Variants in TLN2 observed in about 807,000 individuals in gnomAD.
The protein encoded by TLN2 is talin-2.
In TLN2, 118 loss-of-function variants were observed where a neutral mutation model predicts 294.7. The ratio of observed to expected loss-of-function variants is 0.40; its 90% CI spans 0.34 to 0.47. The LOEUF is 0.47. Among genes scored for constraint, TLN2 ranks in the 20% least tolerant of loss-of-function variants. The pLI, the probability that TLN2 is intolerant of heterozygous loss-of-function variation, is 0.84. For missense variants in TLN2, 3,083 were observed against 3,282.2 expected (o/e 0.94, Z 1.48); for synonymous variants, 1,431 against 1,304.5 (o/e 1.10, Z -2.09).
Position 62,838,935 on chromosome 15 carries a change from A to G in TLN2, c.7454A>G (p.Asp2485Gly). ...AQKAAFGKAD[D>G]DDVVVKTKFV... Reference sequence around the variant, plus strand: ...AAGGCAGCTTTTGGCAAAGCTGATGACGACGATGTTGTAGTGAAAACCAAG... The same window carrying G: ...AAGGCAGCTTTTGGCAAAGCTGATGGCGACGATGTTGTAGTGAAAACCAAG... Residue 2485 changes from aspartate to glycine, a missense_variant, in exon 58 of 59, where the codon GAC becomes GGC. Asp to Gly is a moderately conservative substitution (Grantham distance 94). Coordinates refer to ENST00000636159, the MANE Select transcript of TLN2 (RefSeq NM_015059.3). 1 of 1,614,040 alleles carries G rather than the reference A, an allele frequency of 6.2e-7. No individual in the cohort carries two copies. Among genetic ancestry groups the G allele is most frequent in the Non-Finnish European group, 8.5e-7 (1 of 1,180,002 alleles).
chr15:62,764,536 G>A (rs956322614), intron 40 of TLN2, among the ~76,000 whole-genome samples: 10 of 152,152 alleles, frequency 6.6e-5, no homozygotes, highest in African/African-American at 2.4e-4. Flanking sequence ...CAAACTGTGT[G>A]GGATGCCAGA....
At chr15:62,711,882 C>G (rs2059450710) in intron 21 of TLN2, 29 bp from the exon 22 acceptor site, 4 of 1,580,674 alleles carry the variant, frequency 2.5e-6, no homozygotes, top group Non-Finnish European at 3.5e-6. Flanking sequence ...AGCAGACAAA[C>G]AGACCTCATC....
chr15:62,523,057 A>C (rs753604053), intron 1 of TLN2, among the ~76,000 whole-genome samples: 7 of 152,114 alleles, frequency 4.6e-5, no homozygotes, highest in Admixed American at 2.0e-4. Context: ...ATAAGTCCTC[A>C]AAGGTTATCT....
At chr15:62,741,748 C>CGCGCGTGTGTGTGT in intron 32 of TLN2, among the ~76,000 whole-genome samples, 85 of 131,160 alleles carry the variant, frequency 6.5e-4, no homozygotes, top group Middle Eastern at 4.2e-3. Context: ...AAAATTTGCG[C>CGCGCGTGTGTGTGT]GTGTGTGTGT....
intron 2 of TLN2, among the ~76,000 whole-genome samples, chr15:62,595,342 C>T (rs930018954): frequency 2.0e-5 from 3 of 147,218 alleles, no homozygotes; most frequent in African/African-American, 7.6e-5. Context: ...ATCGCTTGAA[C>T]CTGGGAGGTA....
intron 12 of TLN2, among the ~76,000 whole-genome samples, chr15:62,687,526 C>G (rs2057384394): frequency 6.6e-6 from 1 of 152,234 alleles, no homozygotes; most frequent in Non-Finnish European, 1.5e-5. Flanking sequence ...GAGTATAACT[C>G]TATGCCTTAA....
At chr15:62,628,260 T>C (rs964795226) in intron 3 of TLN2, among the ~76,000 whole-genome samples, 1 of 152,234 alleles carries the variant, frequency 6.6e-6, no homozygotes, top group African/African-American at 2.4e-5. Context: ...GCTAAAATGG[T>C]TGTAGTTTTG....
intron 1 of TLN2, among the ~76,000 whole-genome samples, chr15:62,534,002 C>T (rs2140504290): frequency 6.6e-6 from 1 of 152,270 alleles, no homozygotes; most frequent in South Asian, 2.1e-4. Context: ...TACTCCGGTG[C>T]TTCCAAATGT....
At chr15:62,414,165 T>A (rs7170731) in intron 1 of TLN2, among the ~76,000 whole-genome samples, 2,307 of 15,730 alleles carry the variant, frequency 0.15, 270 homozygotes, top group African/African-American at 0.27. Context: ...AAAAAAAAAC[T>A]ATATATATAT....
intron 3 of TLN2, among the ~76,000 whole-genome samples, chr15:62,624,470 C>T (rs202080622): frequency 5.9e-5 from 9 of 152,248 alleles, no homozygotes; most frequent in Non-Finnish European, 1.0e-4. Context: ...GGTGATAGGA[C>T]GCATGAATGT....
At chr15:62,642,537 A>C (rs1276294388) in intron 3 of TLN2, among the ~76,000 whole-genome samples, 1 of 151,722 alleles carries the variant, frequency 6.6e-6, no homozygotes, top group Non-Finnish European at 1.5e-5. Context: ...ATCTTTATCG[A>C]GGTGTGTTGT....
At chr15:62,565,258 T>G (rs2043300410) in intron 1 of TLN2, among the ~76,000 whole-genome samples, 1 of 152,216 alleles carries the variant, frequency 6.6e-6, no homozygotes, top group Admixed American at 6.5e-5. Context: ...GATATTCTTT[T>G]GGTACAGTAA....
In TLN2 at chr15:62,716,424, A is replaced by G. The variant is rs759078026; in HGVS notation, c.2728A>G (p.Asn910Asp). 1 of 1,609,808 alleles carries G rather than the reference A, an allele frequency of 6.2e-7. No homozygotes were observed. Among genetic ancestry groups the G allele is most frequent in the Admixed American group, 1.7e-5 (1 of 59,318 alleles). The change falls in exon 23 of 59, where the codon AAT becomes GAT. Residue 910 changes from asparagine to aspartate, a missense_variant. By Grantham distance (23) the Asn-to-Asp change is conservative (BLOSUM62 1). Coordinates refer to ENST00000636159, the MANE Select transcript of TLN2 (RefSeq NM_015059.3). Reference sequence around the variant, plus strand: ...GGTAGCAACCAACGCAGCTGCCCAGAATGCTATTAAGAAAAAAATTGTCAA... The same window carrying G: ...GGTAGCAACCAACGCAGCTGCCCAGGATGCTATTAAGAAAAAAATTGTCAA... Reference protein sequence around the residue: ...LRVATNAAAQNAIKKKIVNRL... With the variant: ...LRVATNAAAQDAIKKKIVNRL...
chr15:62,488,971 G>T (rs1188938579), intron 1 of TLN2, among the ~76,000 whole-genome samples: 3 of 152,306 alleles, frequency 2.0e-5, no homozygotes, highest in Non-Finnish European at 2.9e-5. Context: ...GACCAGCCTG[G>T]CCAATATGGT....
At chr15:62,550,526 A>G (rs1228116888) in intron 1 of TLN2, among the ~76,000 whole-genome samples, 2 of 152,204 alleles carry the variant, frequency 1.3e-5, no homozygotes, top group African/African-American at 4.8e-5. Context: ...TCGATTCAAG[A>G]CAGAATAAAT....
intron 9 of TLN2, among the ~76,000 whole-genome samples, chr15:62,672,851 ATTGT>A (rs1202046466): frequency 6.6e-6 from 1 of 152,138 alleles, no homozygotes; most frequent in Non-Finnish European, 1.5e-5. Flanking sequence ...ATAGCTAGAA[ATTGT>A]TTTTCAGGAA....
chr15:62,700,144 A>G (rs2058625852), intron 16 of TLN2, among the ~76,000 whole-genome samples: 1 of 152,242 alleles, frequency 6.6e-6, no homozygotes, highest in African/African-American at 2.4e-5. Context: ...GAGTACAAAC[A>G]TGTATGGCAG....
chr15:62,591,333 A>G (rs2046060918), intron 2 of TLN2, among the ~76,000 whole-genome samples: 1 of 152,180 alleles, frequency 6.6e-6, no homozygotes, highest in South Asian at 2.1e-4. Context: ...ACTGGGACAC[A>G]TGACTGCTGA....
intron 3 of TLN2, among the ~76,000 whole-genome samples, chr15:62,634,724 C>T (rs1420724768): frequency 6.6e-6 from 1 of 152,178 alleles, no homozygotes; most frequent in African/African-American, 2.4e-5. Flanking sequence ...CAGCATACTT[C>T]AATTTAGTTA....
Sources: allele counts gnomAD v4.1 joint callset (sites outside exome capture counted in the v4.1 genomes callset), GRCh38; gene constraint gnomAD v4.1.1; transcripts MANE v1.5; gene names NCBI Gene and HGNC (gene_info 2026-07-23, HGNC 2026-07-21).